MACROD2: variants seen among roughly 807,000 people sequenced by gnomAD.
MACROD2 encodes the protein ADP-ribose glycohydrolase MACROD2.
Under a neutral mutation model 70.4 loss-of-function variants are expected in MACROD2, and 36 were observed. The observed-to-expected ratio is 0.51, with a 90% CI of 0.39 to 0.68. The LOEUF is 0.68. Among genes scored for constraint, MACROD2 ranks in the 30% least tolerant of loss-of-function variants. The pLI, the probability that MACROD2 is intolerant of heterozygous loss-of-function variation, is 0.00. For missense variants in MACROD2, 496 were observed against 538.4 expected (o/e 0.92, Z 0.78); for synonymous variants, 172 against 178.8 (o/e 0.96, Z 0.30).
intron 4 of MACROD2, among the ~76,000 whole-genome samples, chr20:14,536,801 G>A (rs560656438): frequency 1.3e-5 from 2 of 152,254 alleles, no homozygotes; most frequent in South Asian, 4.2e-4. Flanking sequence ...ATCCAAATTG[G>A]CAAAATGACT....
intron 8 of MACROD2, among the ~76,000 whole-genome samples, chr20:15,746,629 G>A (rs1487068048): frequency 6.6e-6 from 1 of 150,968 alleles, no homozygotes; most frequent in Non-Finnish European, 1.5e-5. Context: ...AATTAGGGAT[G>A]ATATTTGCTC....
intron 4 of MACROD2, among the ~76,000 whole-genome samples, chr20:14,575,005 G>C (rs1448518173): frequency 1.0e-5 from 1 of 99,972 alleles, no homozygotes; most frequent in Non-Finnish European, 1.9e-5. Flanking sequence ...GCGACAGAGC[G>C]AGACTCTGTC....
At chr20:15,726,535 G>C (rs2050864911) in intron 8 of MACROD2, among the ~76,000 whole-genome samples, 1 of 152,058 alleles carries the variant, frequency 6.6e-6, no homozygotes, top group Non-Finnish European at 1.5e-5. Context: ...CAACTAATTT[G>C]CATTCCTATC....
At chr20:14,085,120 G>A (rs1056671885) in intron 2 of MACROD2, among the ~76,000 whole-genome samples, 33 of 151,026 alleles carry the variant, frequency 2.2e-4, no homozygotes, top group Non-Finnish European at 4.1e-4. Context: ...CCGAGATCAC[G>A]CCACTGCAGC....
chr20:15,274,782 T>TA, intron 6 of MACROD2, among the ~76,000 whole-genome samples: 1 of 152,232 alleles, frequency 6.6e-6, no homozygotes, highest in East Asian at 1.9e-4. Context: ...ATCACAGAAA[T>TA]AAAAAATTTT....
chr20:15,589,803 T>C (rs1278838247), intron 8 of MACROD2, among the ~76,000 whole-genome samples: 1 of 152,220 alleles, frequency 6.6e-6, no homozygotes, highest in East Asian at 1.9e-4. Context: ...TTTTATTTTG[T>C]GAATATGCAT....
intron 4 of MACROD2, among the ~76,000 whole-genome samples, chr20:14,575,012 T>C (rs79431393): frequency 1.5e-4 from 7 of 46,166 alleles, no homozygotes; most frequent in African/African-American, 4.7e-4. Context: ...AGCGAGACTC[T>C]GTCTCAAAAA....
chr20:14,304,271 TCCAAA>T, intron 3 of MACROD2, among the ~76,000 whole-genome samples: 1 of 152,200 alleles, frequency 6.6e-6, no homozygotes, highest in Admixed American at 6.5e-5. Flanking sequence ...AACATAATAT[TCCAAA>T]CGTGTTCTGC....
intron 5 of MACROD2, among the ~76,000 whole-genome samples, chr20:14,966,819 C>T (rs549853789): frequency 6.6e-6 from 1 of 152,164 alleles, no homozygotes; most frequent in Admixed American, 6.5e-5. Context: ...ATTGTATGTA[C>T]AGGCATTTTT....
intron 5 of MACROD2, among the ~76,000 whole-genome samples, chr20:14,881,559 C>T (rs141893371): frequency 1.8e-3 from 267 of 152,098 alleles, no homozygotes; most frequent in African/African-American, 5.8e-3. Flanking sequence ...CAAGAAGTTT[C>T]GGGGTAGCTC....
intron 3 of MACROD2, among the ~76,000 whole-genome samples, chr20:14,339,963 C>G (rs2082996649): frequency 6.6e-6 from 1 of 152,138 alleles, no homozygotes; most frequent in Non-Finnish European, 1.5e-5. Context: ...ACCTGAAATG[C>G]TACTAGTTGA....
intron 2 of MACROD2, among the ~76,000 whole-genome samples, chr20:14,039,635 G>A (rs1314865580): frequency 3.9e-5 from 6 of 152,106 alleles, no homozygotes. Context: ...ACCGGTGATA[G>A]ATACTTAGTT....
chr20:15,418,104 G>A (rs2046180077), intron 6 of MACROD2, among the ~76,000 whole-genome samples: 2 of 152,168 alleles, frequency 1.3e-5, no homozygotes, highest in South Asian at 4.1e-4. Flanking sequence ...ACCACTGTGT[G>A]ACTCTGGGGA....
intron 5 of MACROD2, among the ~76,000 whole-genome samples, chr20:14,764,280 C>T (rs990249911): frequency 1.3e-5 from 2 of 152,126 alleles, no homozygotes; most frequent in African/African-American, 4.8e-5. Flanking sequence ...AGCCAGCACT[C>T]CCAAGCCTGC....
intron 6 of MACROD2, among the ~76,000 whole-genome samples, chr20:15,392,218 A>G (rs1349671805): frequency 6.6e-6 from 1 of 152,192 alleles, no homozygotes; most frequent in Non-Finnish European, 1.5e-5. Flanking sequence ...GTGTCTTTTC[A>G]TAATATGAAA....
At chr20:15,685,874 C>T (rs982341891) in intron 8 of MACROD2, among the ~76,000 whole-genome samples, 14 of 152,126 alleles carry the variant, frequency 9.2e-5, no homozygotes, top group Middle Eastern at 3.2e-3. Context: ...GTTTGCTACT[C>T]GATATTGAAA....
intron 5 of MACROD2, among the ~76,000 whole-genome samples, chr20:15,038,738 T>C (rs895117096): frequency 6.6e-6 from 1 of 152,182 alleles, no homozygotes; most frequent in Non-Finnish European, 1.5e-5. Flanking sequence ...TGATGGTCCC[T>C]AGTTGGATGA....
chr20:14,144,033 T>C (rs1364632352), intron 3 of MACROD2, among the ~76,000 whole-genome samples: 2 of 152,114 alleles, frequency 1.3e-5, no homozygotes, highest in Non-Finnish European at 2.9e-5. Context: ...TTTTATGAAC[T>C]CATATTTTTT....
chr20:15,984,490 T>G (rs2066448635), intron 13 of MACROD2, among the ~76,000 whole-genome samples: 1 of 152,196 alleles, frequency 6.6e-6, no homozygotes. Context: ...TTTATAACAT[T>G]TTTTCTTTCA....
Sources: gnomAD v4.1 joint callset for allele counts (sites outside exome capture counted in the v4.1 genomes callset) on GRCh38, gnomAD v4.1.1 for gene constraint, MANE v1.5 for transcripts, NCBI Gene and HGNC (gene_info 2026-07-23, HGNC 2026-07-21) for gene names.